The following PKHD1 variants were observed in gnomAD, a reference collection of about 807,000 sequenced individuals.
PKHD1 encodes fibrocystin.
PKHD1 carries 291 observed loss-of-function variants against 412.0 expected under a neutral mutation model. That is an observed-to-expected ratio of 0.71 (90% CI 0.64 to 0.78). The LOEUF is 0.78. Among genes scored for constraint, PKHD1 ranks in the 30% least tolerant of loss-of-function variants. PKHD1 has a pLI of 0.00. For synonymous variants in PKHD1, 1,777 were observed against 1,821.5 expected (o/e 0.98, Z 0.62); for missense variants, 4,825 against 4,950.7 (o/e 0.97, Z 0.76).
At chr6:52,002,765 CAA>C (rs773783138) in intron 35 of PKHD1, among the ~76,000 whole-genome samples, 88 of 152,074 alleles carry the variant, frequency 5.8e-4, no homozygotes, top group Non-Finnish European at 1.0e-3. Flanking sequence ...ATAGGAGAAA[CAA>C]AATTAATTAG....
chr6:51,786,624 T>C (rs990780179), intron 53 of PKHD1, among the ~76,000 whole-genome samples: 1 of 152,154 alleles, frequency 6.6e-6, no homozygotes, highest in Non-Finnish European at 1.5e-5. Context: ...AGTATAATGC[T>C]CATCTAAAAT....
intron 46 of PKHD1, among the ~76,000 whole-genome samples, chr6:51,875,120 G>A (rs1583158064): frequency 1.0e-4 from 1 of 9,728 alleles, no homozygotes; most frequent in African/African-American, 5.1e-4. Flanking sequence ...CTACGCCCAC[G>A]GAATCTCGCT....
chr6:52,018,567 C>T (rs1800904622), intron 33 of PKHD1, among the ~76,000 whole-genome samples: 1 of 152,114 alleles, frequency 6.6e-6, no homozygotes, highest in Non-Finnish European at 1.5e-5. Context: ...GTTGCCCAGG[C>T]TTGTGGCACA....
In PKHD1 at chr6:52,056,947, G is replaced by C; in HGVS notation, c.1545C>G (p.Phe515Leu). The C allele has an allele frequency of 6.2e-7, 1 of 1,613,922 alleles. No individual in the cohort carries two copies. Among genetic ancestry groups the C allele is most frequent in the Non-Finnish European group, 8.5e-7 (1 of 1,179,820 alleles). Residue 515 changes from phenylalanine (F) to leucine (L), a missense_variant, in exon 17 of 67, where the codon TTC (phenylalanine) becomes TTG (leucine). Transcript: ENST00000371117. ...VLNVSGRGNF[F>L]LTWDNVSSQP... ...GACTAGAGACATTGTCCCAAGTAAG[G>C]AAGAAGTTTCCTCTGCCTGATACAT...
At chr6:51,725,571 C>T (rs938586199) in intron 60 of PKHD1, among the ~76,000 whole-genome samples, 2 of 152,096 alleles carry the variant, frequency 1.3e-5, no homozygotes, top group African/African-American at 4.8e-5. Context: ...AAGAGACCAT[C>T]GGGTGCTTGT....
intron 55 of PKHD1, among the ~76,000 whole-genome samples, chr6:51,758,079 A>G (rs1223373958): frequency 6.6e-6 from 1 of 151,812 alleles, no homozygotes; most frequent in Admixed American, 6.6e-5. Flanking sequence ...GAAAAAAATC[A>G]CTATCTAAAC....
At chr6:51,628,995 A>G (rs1406792551) in intron 65 of PKHD1, among the ~76,000 whole-genome samples, 1 of 152,194 alleles carries the variant, frequency 6.6e-6, no homozygotes, top group African/African-American at 2.4e-5. Context: ...TGGTGCTGGG[A>G]TAGCTGGCTA....
Position 51,886,069 on chromosome 6 carries a change from G to A in PKHD1, c.7110-97C>T. ...ATACAAAGTAAAAGTAATGTATTAG[G>A]GAGAATGAAGGTAGATGGAATCTGT... On this transcript the variant is annotated intron_variant, in intron 44 of 66. Transcript: ENST00000371117. The A allele has an allele frequency of 3.8e-6, 3 of 783,738 alleles. No individual in the cohort carries two copies. In the Admixed American group the frequency reaches 6.0e-5, roughly 16 times the overall value. The allele number at this position is 783,738 out of a possible 1,614,324, so 48.5% of individuals were successfully genotyped here. A position where few individuals can be genotyped will look rare whatever the true frequency, so the allele number is the denominator to read the frequency against.
chr6:51,967,045 G>A (rs1433604948), intron 35 of PKHD1, among the ~76,000 whole-genome samples: 1 of 152,098 alleles, frequency 6.6e-6, no homozygotes, highest in Non-Finnish European at 1.5e-5. Context: ...GCTGGCCCTG[G>A]AGGAAGGAAC....
At chr6:51,734,249 T>C (rs572500739) in intron 60 of PKHD1, among the ~76,000 whole-genome samples, 1 of 152,330 alleles carries the variant, frequency 6.6e-6, no homozygotes, top group South Asian at 2.1e-4. Flanking sequence ...AAAATAGGAA[T>C]AGTCAGAGTT....
chr6:51,670,051 T>A (rs1394866236), intron 60 of PKHD1, among the ~76,000 whole-genome samples: 1 of 148,378 alleles, frequency 6.7e-6, no homozygotes, highest in African/African-American at 2.4e-5. Context: ...GTTCTGTAGA[T>A]GTCTACTAGG....
chr6:51,965,748 T>G (rs1424979359), intron 35 of PKHD1, among the ~76,000 whole-genome samples: 1 of 152,148 alleles, frequency 6.6e-6, no homozygotes. Context: ...ATTCATTGTC[T>G]TATCTCTTGG....
At chr6:51,800,189 C>T (rs1762691398) in intron 52 of PKHD1, among the ~76,000 whole-genome samples, 1 of 152,196 alleles carries the variant, frequency 6.6e-6, no homozygotes, top group African/African-American at 2.4e-5. Flanking sequence ...CCTTTAACCA[C>T]TTGTTCATCC....
At chr6:51,952,422 GAGTACCTGTTTCGTGCCTGGAGATAA>G (rs1790493650) in intron 36 of PKHD1, among the ~76,000 whole-genome samples, 1 of 152,112 alleles carries the variant, frequency 6.6e-6, no homozygotes, top group Admixed American at 6.6e-5. Context: ...GCCATTATTT[GAGTACCTGTTTCGTGCCTGGAGATAA>G]AATGGTGCTG....
chr6:51,771,362 C>T (rs1408150253), intron 55 of PKHD1, among the ~76,000 whole-genome samples: 2 of 152,100 alleles, frequency 1.3e-5, no homozygotes, highest in Admixed American at 6.6e-5. Context: ...TGGCTCATGC[C>T]TGTAATCCCA....
chr6:51,801,984 C>A (rs1416181942), intron 52 of PKHD1, among the ~76,000 whole-genome samples: 2 of 152,148 alleles, frequency 1.3e-5, no homozygotes, highest in South Asian at 2.1e-4. Context: ...AAATTACCAA[C>A]TGTATCAGAT....
chr6:51,734,733 T>C (rs771052265), intron 60 of PKHD1, among the ~76,000 whole-genome samples: 4 of 151,712 alleles, frequency 2.6e-5, no homozygotes, highest in African/African-American at 4.8e-5. Context: ...CTCTACAAAG[T>C]TCCAAACAGA....
intron 36 of PKHD1, among the ~76,000 whole-genome samples, chr6:51,952,489 G>A (rs1247414768): frequency 6.6e-6 from 1 of 152,092 alleles, no homozygotes; most frequent in African/African-American, 2.4e-5. Flanking sequence ...AACAGAGCTG[G>A]CCCCTCCTTT....
At chr6:51,786,284 T>A (rs1792842606) in intron 53 of PKHD1, among the ~76,000 whole-genome samples, 1 of 152,120 alleles carries the variant, frequency 6.6e-6, no homozygotes, top group Non-Finnish European at 1.5e-5. Flanking sequence ...TTTTACCTCC[T>A]CAATGCTTCT....
Sources: gnomAD v4.1 joint callset for allele counts (sites outside exome capture counted in the v4.1 genomes callset) on GRCh38, gnomAD v4.1.1 for gene constraint, MANE v1.5 for transcripts, NCBI Gene and HGNC (gene_info 2026-07-23, HGNC 2026-07-21) for gene names.